The following ABR variants were observed in gnomAD, a reference collection of about 807,000 sequenced individuals.
ABR encodes the protein ABR activator of RhoGEF and GTPase.
ABR carries 35 observed loss-of-function variants against 107.2 expected under a neutral mutation model. The ratio of observed to expected loss-of-function variants is 0.33; its 90% CI spans 0.25 to 0.43. The LOEUF (loss-of-function observed/expected upper bound fraction) is 0.43. ABR is among the 20% of genes least tolerant of loss of function. The pLI is 1.00. For synonymous variants in ABR, 498 were observed against 462.0 expected, an observed-to-expected ratio of 1.08 and a Z score of -1.00; for missense variants, 815 against 1,115.2, an observed-to-expected ratio of 0.73 and a Z score of 3.83.
chr17:1,202,623 G>A (rs1460073492), intron 1 of ABR, among the ~76,000 whole-genome samples: 2 of 152,094 alleles, frequency 1.3e-5, no homozygotes, highest in East Asian at 3.9e-4. Context: ...CATATGAGCT[G>A]GCAGCAAATG....
chr17:1,209,090 A>G (rs1042880943), intron 1 of ABR, among the ~76,000 whole-genome samples: 4 of 152,106 alleles, frequency 2.6e-5, no homozygotes, highest in African/African-American at 7.2e-5. Flanking sequence ...AGGTGCCAAT[A>G]AAGTTTGCCT....
chr17:1,152,231 C>T (rs974210408), intron 1 of ABR, among the ~76,000 whole-genome samples: 7 of 150,142 alleles, frequency 4.7e-5, no homozygotes, highest in Non-Finnish European at 8.8e-5. Flanking sequence ...TGCAGTGAGC[C>T]GAGATCGCGC....
upstream of ABR, among the ~76,000 whole-genome samples, chr17:1,190,910 T>C (rs2042416785): frequency 6.6e-6 from 1 of 152,148 alleles, no homozygotes; most frequent in Non-Finnish European, 1.5e-5. Context: ...AGTTCAATGA[T>C]GGGAGAAATA....
At chr17:1,088,341 G>A (rs1292010193) in intron 4 of ABR, among the ~76,000 whole-genome samples, 2 of 152,098 alleles carry the variant, frequency 1.3e-5, no homozygotes, top group African/African-American at 4.8e-5. Flanking sequence ...TGAGCAGGCA[G>A]TGATGACAGG....
intron 1 of ABR, among the ~76,000 whole-genome samples, chr17:1,178,910 C>A (rs1046079050): frequency 6.6e-6 from 1 of 151,854 alleles, no homozygotes; most frequent in African/African-American, 2.4e-5. Flanking sequence ...CACCATTACC[C>A]GTGATCAGTT....
At position 1,153,808 on chromosome 17, in the gene ABR, A is replaced by ACGGGAGGGCTGGGGGTCCAGGCACACCTG. The variant is rs1567834313; in HGVS notation, c.61+25858_61+25859insCAGGTGTGCCTGGACCCCCAGCCCTCCCG. On this transcript the variant is annotated intron_variant, in intron 1 of 22. Coordinates refer to ENST00000302538, the MANE Select transcript of ABR (RefSeq NM_021962.5). The stretch of plus-strand genomic sequence containing the variant: ...GAGGGCTGGGGGTCCAGGCACACCT[A>ACGGGAGGGCTGGGGGTCCAGGCACACCTG]CGGGAGGGCTGGGTCCAGGTCTACC... 1.4e-4 allele frequency: 11 copies of ACGGGAGGGCTGGGGGTCCAGGCACACCTG among 78,038 alleles called. 3 individuals are homozygous for ACGGGAGGGCTGGGGGTCCAGGCACACCTG. Among genetic ancestry groups the ACGGGAGGGCTGGGGGTCCAGGCACACCTG allele is most frequent in the African/African-American group, 3.4e-4 (8 of 23,228 alleles). 4.8% of individuals were successfully genotyped at this position (78,038 alleles called of 1,614,324 possible).
chr17:1,124,197 G>A (rs930089864), intron 2 of ABR, among the ~76,000 whole-genome samples: 1 of 151,522 alleles, frequency 6.6e-6, no homozygotes, highest in Admixed American at 6.6e-5. Flanking sequence ...GGAGCAGGGG[G>A]TTCTCAAGAA....
At chr17:1,039,410 TC>T (rs1301970932) in intron 16 of ABR, 2 of 152,316 alleles carry the variant, frequency 1.3e-5, no homozygotes, top group Non-Finnish European at 2.9e-5. Context: ...CGAGAGAGGT[TC>T]GTGCCCCACG....
At chr17:1,227,453 G>A (rs1246589599) in intron 1 of ABR, among the ~76,000 whole-genome samples, 1 of 152,182 alleles carries the variant, frequency 6.6e-6, no homozygotes, top group African/African-American at 2.4e-5. Flanking sequence ...ACCAGCATGG[G>A]CGGCAAGAGC....
At chr17:1,126,719 G>A (rs934671820) in intron 1 of ABR, among the ~76,000 whole-genome samples, 36 of 152,264 alleles carry the variant, frequency 2.4e-4, no homozygotes, top group African/African-American at 7.9e-4. Context: ...TTTCCTCCAG[G>A]TCACCCTCCC....
chr17:1,135,377 C>CTTTTTTTTTTTTTTTTTTTTT (rs71148437), intron 1 of ABR, among the ~76,000 whole-genome samples: 1 of 51,382 alleles, frequency 1.9e-5, no homozygotes. Context: ...TTCTTTTTGT[C>CTTTTTTTTTTTTTTTTTTTTT]TTTTTTTTTT....
chr17:1,006,627 A>G (rs2663340), intron 22 of ABR, among the ~76,000 whole-genome samples: 127,101 of 152,132 alleles, frequency 0.84, 53,453 homozygotes, highest in African/African-American at 0.93. Context: ...AGAAGTGTCT[A>G]CAGTCCTGCC....
intron 16 of ABR, among the ~76,000 whole-genome samples, chr17:1,038,499 G>A (rs2073368694): frequency 6.6e-6 from 1 of 152,212 alleles, no homozygotes; most frequent in Non-Finnish European, 1.5e-5. Flanking sequence ...GGGTCATCTT[G>A]CGTCTCCAGC....
At position 1,115,953 on chromosome 17, in the gene ABR, G is replaced by A. The variant is rs1037029986; in HGVS notation, c.246+9230C>T. Among the ~76,000 whole-genome samples the A allele has an allele frequency of 8.5e-4, 126 of 148,220 alleles. 3 individuals are homozygous for A. The highest frequency in any genetic ancestry group is 4.1e-4 in the East Asian group (2 of 4,936). On this transcript the variant is annotated intron_variant, in intron 2 of 22. Coordinates refer to ENST00000302538, the MANE Select transcript of ABR (RefSeq NM_021962.5). ...AAAAAATAAAATACATAGGCTGGGC[G>A]AGGTGGCTCACGCCTGTAATCCCAG...
At position 1,221,282 on chromosome 17, in the gene ABR, G is replaced by C. The variant is rs532782136; in HGVS notation, c.838+7511C>G. 5.9e-5 allele frequency among the ~76,000 whole-genome samples: 9 copies of C among 152,304 alleles called. No individual in the cohort carries two copies. The East Asian group carries it at 1.7e-3, about 29-fold the overall frequency. On this transcript the variant is annotated intron_variant, in intron 1 of 22. Coordinates refer to the ABR transcript ENST00000574139. ...GATAAAAACAGAAACTGTCAAGAGA[G>C]GTTCCCAGGAAAGTGCCTTAAAAGG...
At chr17:1,123,321 G>T (rs1006967140) in intron 2 of ABR, among the ~76,000 whole-genome samples, 2 of 152,102 alleles carry the variant, frequency 1.3e-5, no homozygotes, top group East Asian at 3.9e-4. Flanking sequence ...GCACTTTAGG[G>T]GGCAGTCACT....
intron 1 of ABR, among the ~76,000 whole-genome samples, chr17:1,167,047 C>G (rs2041540162): frequency 6.6e-6 from 1 of 152,026 alleles, no homozygotes; most frequent in Non-Finnish European, 1.5e-5. Context: ...AATCTGAGCT[C>G]CGGACCTGCC....
chr17:1,189,408 G>A (rs960480005), upstream of ABR, among the ~76,000 whole-genome samples: 33 of 146,448 alleles, frequency 2.3e-4, no homozygotes, highest in Admixed American at 4.8e-4. Flanking sequence ...GGAGTGCAAT[G>A]GTGCAATCTC....
At chr17:1,096,069 A>G (rs1170943967) in intron 3 of ABR, among the ~76,000 whole-genome samples, 2 of 152,010 alleles carry the variant, frequency 1.3e-5, no homozygotes, top group Admixed American at 1.3e-4. Flanking sequence ...TGTCAAGGAG[A>G]TCCAGAATTT....
Sources: gnomAD v4.1 joint callset for allele counts (sites outside exome capture counted in the v4.1 genomes callset) on GRCh38, gnomAD v4.1.1 for gene constraint, MANE v1.5 for transcripts, NCBI Gene and HGNC (gene_info 2026-07-23, HGNC 2026-07-21) for gene names.